STK32B: variants seen among roughly 807,000 people sequenced by gnomAD.
STK32B encodes the protein serine/threonine kinase 32B.
A neutral mutation model predicts 52.6 loss-of-function variants in STK32B; 43 were observed. The ratio of observed to expected loss-of-function variants is 0.82; its 90% CI spans 0.64 to 1.05. The LOEUF is 1.05. STK32B is among the 50% of genes least tolerant of loss of function. The pLI, the probability that STK32B is intolerant of heterozygous loss-of-function variation, is 0.00. For missense variants in STK32B, 621 were observed against 534.6 expected (o/e 1.16, Z -1.59); for synonymous variants, 238 against 204.3 (o/e 1.17, Z -1.41).
rs536083379 is a variant in STK32B at position 5,336,555 on chromosome 4, G to A, written c.434+5162G>A. On this transcript the variant is annotated intron_variant, in intron 4 of 11. Coordinates refer to ENST00000282908, the MANE Select transcript of STK32B (RefSeq NM_018401.3). Reference sequence around the variant, plus strand: ...TTTTGCATGTGTGAAACAAGAAATAGCATTTTTTTTAAATTCATGGAATAA... The same window carrying A: ...TTTTGCATGTGTGAAACAAGAAATAACATTTTTTTTAAATTCATGGAATAA... 7.9e-5 allele frequency among the ~76,000 whole-genome samples: 12 copies of A among 151,642 alleles called. No individual in the cohort carries two copies. In the South Asian group the frequency reaches 2.3e-3, roughly 29 times the overall value.
intron 3 of STK32B, among the ~76,000 whole-genome samples, chr4:5,290,767 T>A (rs573073916): frequency 0.037 from 281 of 7,538 alleles, no homozygotes; most frequent in African/African-American, 0.24. Flanking sequence ...AAGATATACA[T>A]AAAGAAAATA....
chr4:5,134,062 C>T (rs1715925952), intron 1 of STK32B, among the ~76,000 whole-genome samples: 1 of 152,158 alleles, frequency 6.6e-6, no homozygotes, highest in East Asian at 1.9e-4. Context: ...TGCTGCAGCC[C>T]AATGACCCAT....
chr4:5,391,306 C>A (rs1433025922), intron 4 of STK32B, among the ~76,000 whole-genome samples: 1 of 152,120 alleles, frequency 6.6e-6, no homozygotes. Context: ...ATTTAGGGCT[C>A]AGCCTAATCC....
chr4:5,241,581 T>A (rs914572350), intron 3 of STK32B, among the ~76,000 whole-genome samples: 17 of 152,064 alleles, frequency 1.1e-4, no homozygotes, highest in African/African-American at 1.2e-4. Flanking sequence ...TTTATTTTTT[T>A]AATTATTATT....
At chr4:5,271,214 G>A (rs1577273104) in intron 3 of STK32B, among the ~76,000 whole-genome samples, 1 of 152,286 alleles carries the variant, frequency 6.6e-6, no homozygotes, top group Middle Eastern at 3.4e-3. Context: ...GGGATTAACA[G>A]GTGTGAGTCA....
chr4:5,492,971 G>A (rs1472832605), intron 11 of STK32B, among the ~76,000 whole-genome samples: 5 of 150,986 alleles, frequency 3.3e-5, no homozygotes, highest in Non-Finnish European at 5.9e-5. Context: ...TGCTGGATTC[G>A]GTTTGCCAGT....
chr4:5,105,674 C>T (rs1714061294), intron 1 of STK32B, among the ~76,000 whole-genome samples: 1 of 152,020 alleles, frequency 6.6e-6, no homozygotes, highest in South Asian at 2.1e-4. Context: ...CGCCATTCTC[C>T]TGCCTCAGCC....
chr4:5,258,435 C>A (rs897765363), intron 3 of STK32B, among the ~76,000 whole-genome samples: 1 of 152,182 alleles, frequency 6.6e-6, no homozygotes, highest in Non-Finnish European at 1.5e-5. Flanking sequence ...ATGTTCATTT[C>A]ATTAGGCTCC....
intron 9 of STK32B, among the ~76,000 whole-genome samples, chr4:5,465,541 A>G (rs1717365806): frequency 6.6e-6 from 1 of 152,166 alleles, no homozygotes; most frequent in South Asian, 2.1e-4. Flanking sequence ...AGGTGAGGGG[A>G]CAGCAGAGAA....
At chr4:5,146,833 G>A (rs1333336121) in intron 2 of STK32B, among the ~76,000 whole-genome samples, 1 of 152,158 alleles carries the variant, frequency 6.6e-6, no homozygotes, top group African/African-American at 2.4e-5. Context: ...GGTTTCTGGT[G>A]TGTCTTAAAA....
chr4:5,361,082 C>T (rs558736423), intron 4 of STK32B, among the ~76,000 whole-genome samples: 2 of 152,316 alleles, frequency 1.3e-5, no homozygotes, highest in Non-Finnish European at 2.9e-5. Flanking sequence ...CAGTCTTCGT[C>T]CTTTTGTGAC....
chr4:5,300,927 C>T (rs1259301297), intron 3 of STK32B, among the ~76,000 whole-genome samples: 3 of 151,966 alleles, frequency 2.0e-5, no homozygotes, highest in Non-Finnish European at 2.9e-5. Flanking sequence ...AATTACCCAT[C>T]ATTCTTCACA....
the STK32B span, among the ~76,000 whole-genome samples, chr4:5,020,070 A>G: frequency 6.6e-6 from 1 of 152,152 alleles, no homozygotes; most frequent in Non-Finnish European, 1.5e-5. Flanking sequence ...GGATGGGCTC[A>G]CTGAGCGGCC....
intron 3 of STK32B, among the ~76,000 whole-genome samples, chr4:5,185,867 C>T (rs1395905837): frequency 1.3e-5 from 2 of 152,146 alleles, no homozygotes; most frequent in African/African-American, 2.4e-5. Context: ...CAGTCTCATC[C>T]CCTGACACCC....
intron 4 of STK32B, among the ~76,000 whole-genome samples, chr4:5,336,834 A>G (rs1379657706): frequency 2.0e-5 from 3 of 152,202 alleles, no homozygotes; most frequent in Non-Finnish European, 4.4e-5. Context: ...GATTTTCTAT[A>G]TTGAGAGAGC....
At chr4:5,390,424 C>T (rs973330423) in intron 4 of STK32B, among the ~76,000 whole-genome samples, 3 of 152,204 alleles carry the variant, frequency 2.0e-5, no homozygotes, top group African/African-American at 7.2e-5. Flanking sequence ...GGGTTGAGGA[C>T]CCTGGGAGCT....
rs551960592 is a variant in STK32B, at chr4:5,166,209, G to A, written c.109-2090G>A. ...TCCTCAAGCCAACAGCGTTATTGCCGGCGTGTCCCATTTCTCAGGAAGGCC... is the reference window on the plus strand; with the variant it reads ...TCCTCAAGCCAACAGCGTTATTGCCAGCGTGTCCCATTTCTCAGGAAGGCC... On this transcript the variant is annotated intron_variant, in intron 2 of 11. Coordinates refer to ENST00000282908, the MANE Select transcript of STK32B (RefSeq NM_018401.3). Among the ~76,000 whole-genome samples, 334 of 152,082 alleles carry A rather than the reference G, an allele frequency of 2.2e-3. 2 individuals carry two copies. The highest frequency in any genetic ancestry group is 4.1e-3 in the Non-Finnish European group (278 of 68,006).
At chr4:5,430,793 C>G (rs544284436) in intron 6 of STK32B, among the ~76,000 whole-genome samples, 2 of 152,164 alleles carry the variant, frequency 1.3e-5, no homozygotes, top group African/African-American at 4.8e-5. Context: ...AAAATACCAG[C>G]TTTAGAGTTG....
chr4:5,135,771 A>C (rs1716038132), intron 1 of STK32B, among the ~76,000 whole-genome samples: 1 of 152,030 alleles, frequency 6.6e-6, no homozygotes, highest in Non-Finnish European at 1.5e-5. Flanking sequence ...TGGAAGGGCT[A>C]CTCCAGCTCA....
Sources: gnomAD v4.1 joint callset for allele counts (sites outside exome capture counted in the v4.1 genomes callset) on GRCh38, gnomAD v4.1.1 for gene constraint, MANE v1.5 for transcripts, NCBI Gene and HGNC (gene_info 2026-07-23, HGNC 2026-07-21) for gene names.